SUMF1: variants seen among roughly 807,000 people sequenced by gnomAD.
The protein encoded by SUMF1 is sulfatase modifying factor 1.
SUMF1 carries 48 observed loss-of-function variants against 47.6 expected under a neutral mutation model. The ratio of observed to expected loss-of-function variants is 1.01; its 90% CI spans 0.80 to 1.28. The LOEUF (loss-of-function observed/expected upper bound fraction) is 1.28. Among genes scored for constraint, SUMF1 ranks in the 50% most tolerant of loss-of-function variants. The pLI is 0.00. For missense variants in SUMF1, 571 were observed against 485.4 expected (o/e 1.18, Z -1.66); for synonymous variants, 230 against 192.1 (o/e 1.20, Z -1.63).
chr3:4,153,536 T>C (rs1252062161), intron 8 of SUMF1, among the ~76,000 whole-genome samples: 2 of 148,682 alleles, frequency 1.3e-5, no homozygotes, highest in African/African-American at 2.5e-5. Context: ...TTTTTTTTTT[T>C]ACTGTATTTC....
intron 8 of SUMF1, among the ~76,000 whole-genome samples, chr3:4,206,227 G>A (rs1386484299): frequency 4.0e-4 from 61 of 151,746 alleles, no homozygotes; most frequent in Non-Finnish European, 4.4e-5. Flanking sequence ...CTGGCCTTGG[G>A]GAAGGGTGAC....
chr3:4,207,125 T>C (rs1196009795), intron 8 of SUMF1, among the ~76,000 whole-genome samples: 1 of 152,166 alleles, frequency 6.6e-6, no homozygotes, highest in East Asian at 1.9e-4. Context: ...AATGATATTA[T>C]CTTAATTTTA....
At chr3:4,091,335 T>A (rs975008193) in intron 8 of SUMF1, among the ~76,000 whole-genome samples, 1 of 152,198 alleles carries the variant, frequency 6.6e-6, no homozygotes, top group Admixed American at 6.5e-5. Flanking sequence ...ATCTGACGCC[T>A]TGAACATGAT....
chr3:4,452,974 C>T lies in SUMF1; in HGVS notation c.346G>A (p.Ala116Thr), dbSNP rs1033881339. 4 of 1,614,188 alleles carry T rather than the reference C, an allele frequency of 2.5e-6. No individual in the cohort carries two copies. Among genetic ancestry groups the T allele is most frequent in the Middle Eastern group, 1.6e-4 (1 of 6,062 alleles). The change falls in exon 2 of 9, where the codon GCG (alanine) becomes ACG (threonine). Residue 116 changes from alanine (A) to threonine (T), a missense_variant. Ala to Thr is a moderately conservative substitution (Grantham distance 58). Transcript: ENST00000272902. The stretch of plus-strand genomic sequence containing the variant: ...AAGGCATCAATAGTAACTCTCCTCG[C>T]AGGTGCTTCCCCATCCTGCTTTATC... ...PQIKQDGEAP[A>T]RRVTIDAFYM...
chr3:4,082,248 G>A (rs1017140881), intron 8 of SUMF1, among the ~76,000 whole-genome samples: 18 of 152,028 alleles, frequency 1.2e-4, no homozygotes, highest in African/African-American at 4.3e-4. Flanking sequence ...TGGGCAGATC[G>A]CTTGAGCTCA....
At chr3:4,316,675 G>C in intron 8 of SUMF1, 1 of 1,551,202 alleles carries the variant, frequency 6.4e-7, no homozygotes, top group Non-Finnish European at 8.7e-7. Flanking sequence ...ATTGTGACGT[G>C]TGATGAAAAG....
At chr3:4,139,568 A>ATGTGTGTGTG (rs370162925) in intron 8 of SUMF1, among the ~76,000 whole-genome samples, 6 of 150,194 alleles carry the variant, frequency 4.0e-5, no homozygotes, top group African/African-American at 1.5e-4. Context: ...ATATATATGC[A>ATGTGTGTGTG]TGTGTGTGTG....
chr3:4,260,092 C>A (rs568362456), intron 8 of SUMF1, among the ~76,000 whole-genome samples: 7 of 151,744 alleles, frequency 4.6e-5, no homozygotes, highest in African/African-American at 1.7e-4. Flanking sequence ...AATCTAGAAT[C>A]TCATTTATGA....
intron 8 of SUMF1, among the ~76,000 whole-genome samples, chr3:4,291,438 C>T (rs572347056): frequency 4.1e-4 from 62 of 152,134 alleles, no homozygotes; most frequent in Non-Finnish European, 6.9e-4. Context: ...CTCTAAAGTG[C>T]CTTCCTCTCT....
chr3:4,082,968 G>C (rs2125046596), intron 8 of SUMF1, among the ~76,000 whole-genome samples: 1 of 152,198 alleles, frequency 6.6e-6, no homozygotes, highest in African/African-American at 2.4e-5. Flanking sequence ...GCCTGACAGA[G>C]GTTCATATTT....
At chr3:4,357,339 A>AGTCAAC (rs56948677), downstream of SUMF1, among the ~76,000 whole-genome samples, 53,263 of 150,360 alleles carry the variant, frequency 0.35, 10,562 homozygotes, top group South Asian at 0.54. Flanking sequence ...ATATTCCTGA[A>AGTCAAC]TATGGATTTT....
At chr3:4,263,143 G>A (rs556370835) in intron 8 of SUMF1, among the ~76,000 whole-genome samples, 11 of 149,552 alleles carry the variant, frequency 7.4e-5, no homozygotes, top group Admixed American at 4.7e-4. Flanking sequence ...AAGGTCAAGG[G>A]TTTCCTGCAG....
chr3:4,284,241 C>A (rs1697584565), intron 8 of SUMF1, among the ~76,000 whole-genome samples: 1 of 151,610 alleles, frequency 6.6e-6, no homozygotes, highest in African/African-American at 2.4e-5. Context: ...ATGGCAAAAT[C>A]CCATTTCTAC....
intron 8 of SUMF1, among the ~76,000 whole-genome samples, chr3:4,135,841 A>G (rs1465692934): frequency 1.3e-5 from 2 of 152,202 alleles, no homozygotes; most frequent in Non-Finnish European, 1.5e-5. Context: ...ACAGACAAAC[A>G]GAGAGCCAAA....
chr3:4,325,144 G>A (rs779725023), intron 8 of SUMF1, among the ~76,000 whole-genome samples: 5 of 152,132 alleles, frequency 3.3e-5, no homozygotes, highest in Admixed American at 6.6e-5. Flanking sequence ...TCCCTCCCAT[G>A]ACAAATGGGA....
intron 8 of SUMF1, among the ~76,000 whole-genome samples, chr3:4,369,084 G>C (rs57815101): frequency 6.6e-6 from 1 of 150,590 alleles, no homozygotes; most frequent in Non-Finnish European, 1.5e-5. Flanking sequence ...TTTTCTCTCA[G>C]AAAAGTAAAA....
intron 8 of SUMF1, among the ~76,000 whole-genome samples, chr3:4,106,734 G>A (rs575270089): frequency 6.6e-6 from 1 of 152,050 alleles, no homozygotes; most frequent in African/African-American, 2.4e-5. Flanking sequence ...CCCAATGAGG[G>A]TTTGCTGGTT....
At chr3:4,290,797 C>T (rs1307244520) in intron 8 of SUMF1, among the ~76,000 whole-genome samples, 1 of 152,160 alleles carries the variant, frequency 6.6e-6, no homozygotes, top group Non-Finnish European at 1.5e-5. Context: ...CAGACGTGTA[C>T]TGAAGCCAGT....
intron 8 of SUMF1, among the ~76,000 whole-genome samples, chr3:4,266,861 T>C (rs1368649606): frequency 6.7e-6 from 1 of 148,498 alleles, no homozygotes; most frequent in Non-Finnish European, 1.5e-5. Context: ...GGCTGTGGGT[T>C]TGTCATAGAT....
Sources: gnomAD v4.1 joint callset for allele counts (sites outside exome capture counted in the v4.1 genomes callset) on GRCh38, gnomAD v4.1.1 for gene constraint, MANE v1.5 for transcripts, NCBI Gene and HGNC (gene_info 2026-07-23, HGNC 2026-07-21) for gene names.